NAALADL2: variants seen among roughly 807,000 people sequenced by gnomAD.
The protein encoded by NAALADL2 is N-acetylated alpha-linked acidic dipeptidase like 2.
In NAALADL2, 76 loss-of-function variants were observed where a neutral mutation model predicts 87.2. The observed-to-expected ratio is 0.87, with a 90% CI of 0.72 to 1.05. NAALADL2 has a LOEUF of 1.05. NAALADL2 is among the 50% of genes least tolerant of loss of function. The probability of loss-of-function intolerance (pLI) is 0.00; values close to 1 mark genes in which losing one functional copy is unlikely to be tolerated. For missense variants in NAALADL2, 1,089 were observed against 945.8 expected (o/e 1.15, Z -1.99); for synonymous variants, 354 against 331.0 (o/e 1.07, Z -0.75).
chr3:174,956,469 A>G (rs1007883525), intron 1 of NAALADL2, among the ~76,000 whole-genome samples: 5 of 152,082 alleles, frequency 3.3e-5, no homozygotes, highest in African/African-American at 4.8e-5. Context: ...TTTAGCCCCT[A>G]TGGGCCTCAC....
chr3:175,361,405 T>C lies in NAALADL2; in HGVS notation c.1090+37080T>C, dbSNP rs1034304851. On this transcript the variant is annotated intron_variant, in intron 5 of 13. Transcript: ENST00000454872. ...CCAGTAATGGGATTGGTGGGTCAAA[T>C]GGTATTTCTAGTTCTAGATCCTTGA... is the stretch of plus-strand genomic sequence containing the variant. 4.7e-5 allele frequency among the ~76,000 whole-genome samples: 7 copies of C among 148,178 alleles called. 1 individual carries two copies. Among genetic ancestry groups the C allele is most frequent in the South Asian group, 4.4e-4 (2 of 4,536 alleles).
chr3:175,556,659 AG>A (rs1715324011), intron 9 of NAALADL2, among the ~76,000 whole-genome samples: 1 of 152,216 alleles, frequency 6.6e-6, no homozygotes, highest in African/African-American at 2.4e-5. Context: ...ATCTCAGGAA[AG>A]CAGACTCGAC....
chr3:175,448,901 C>G (rs532182205), intron 6 of NAALADL2, among the ~76,000 whole-genome samples: 2 of 151,918 alleles, frequency 1.3e-5, no homozygotes, highest in Admixed American at 1.3e-4. Flanking sequence ...ATTTTTGTAG[C>G]CACAGGGTCT....
intron 1 of NAALADL2, among the ~76,000 whole-genome samples, chr3:174,866,064 A>G (rs1727105358): frequency 6.6e-6 from 1 of 151,940 alleles, no homozygotes; most frequent in Non-Finnish European, 1.5e-5. Flanking sequence ...CTAGCAGCCA[A>G]AAGAAAATAA....
intron 2 of NAALADL2, among the ~76,000 whole-genome samples, chr3:175,188,374 AT>A (rs552921416): frequency 2.5e-4 from 38 of 152,240 alleles, no homozygotes; most frequent in African/African-American, 9.1e-4. Context: ...CTGAGCTGGT[AT>A]GACACCCCAC....
Position 174,997,058 on chromosome 3 carries a change from A to ATT in NAALADL2, c.44-99722_44-99721dup, listed in dbSNP as rs200338062. Reference sequence around the variant, plus strand: ...TGTGTGTATGTGTATATATATATATATTTTTTTTTTTAATCCACTCGTTGG... The same window carrying ATT: ...TGTGTGTATGTGTATATATATATATATTTTTTTTTTTTTAATCCACTCGTTGG... On this transcript the variant is annotated intron_variant, in intron 1 of 13. Transcript: ENST00000454872. Among the ~76,000 whole-genome samples the ATT allele has an allele frequency of 7.3e-3, 914 of 125,920 alleles. 5 individuals are homozygous for ATT. Among genetic ancestry groups the ATT allele is most frequent in the African/African-American group, 0.027 (861 of 31,556 alleles). 82.6% of individuals were successfully genotyped at this position (125,920 alleles called of 152,430 possible). A position where few individuals can be genotyped will look rare whatever the true frequency, so the allele number is the denominator to read the frequency against.
At chr3:175,274,959 A>G (rs7648719) in intron 4 of NAALADL2, among the ~76,000 whole-genome samples, 11,855 of 152,292 alleles carry the variant, frequency 0.078, 1,507 homozygotes, top group African/African-American at 0.27. Flanking sequence ...AATACTACAA[A>G]GTAAACACTC....
intron 3 of NAALADL2, among the ~76,000 whole-genome samples, chr3:175,245,027 G>T (rs1347978358): frequency 2.6e-5 from 4 of 152,098 alleles, no homozygotes; most frequent in African/African-American, 2.4e-5. Context: ...GCCAGAAAAT[G>T]AAATAATTAT....
chr3:175,118,906 T>C (rs1725700359), intron 2 of NAALADL2, among the ~76,000 whole-genome samples: 1 of 151,746 alleles, frequency 6.6e-6, no homozygotes, highest in Non-Finnish European at 1.5e-5. Context: ...GTTAATATGG[T>C]CCATTTTTTC....
intron 3 of NAALADL2, among the ~76,000 whole-genome samples, chr3:174,821,171 T>A (rs576402617): frequency 6.6e-6 from 1 of 152,304 alleles, no homozygotes; most frequent in African/African-American, 2.4e-5. Flanking sequence ...CAGGATGGCT[T>A]AGTAAAATCA....
At chr3:175,487,743 G>A (rs1232918037) in intron 9 of NAALADL2, 2 of 283,592 alleles carry the variant, frequency 7.1e-6, no homozygotes, top group Non-Finnish European at 1.4e-5. Context: ...ACAACTTAAT[G>A]TAAAGATACA....
intron 9 of NAALADL2, among the ~76,000 whole-genome samples, chr3:175,516,330 T>C (rs1157728924): frequency 6.6e-6 from 1 of 152,194 alleles, no homozygotes; most frequent in African/African-American, 2.4e-5. Flanking sequence ...CTTGCTTACA[T>C]AGGCAAGGAG....
At chr3:174,952,542 C>A (rs1358431667) in intron 1 of NAALADL2, among the ~76,000 whole-genome samples, 1 of 152,048 alleles carries the variant, frequency 6.6e-6, no homozygotes, top group Non-Finnish European at 1.5e-5. Context: ...TTACTCTGAG[C>A]CACACACTAC....
chr3:175,298,274 G>T (rs958976537), intron 4 of NAALADL2, among the ~76,000 whole-genome samples: 1 of 152,084 alleles, frequency 6.6e-6, no homozygotes, highest in Non-Finnish European at 1.5e-5. Context: ...GAGGGATGCG[G>T]AAACTTGTTT....
chr3:174,892,278 A>G (rs551627218), intron 1 of NAALADL2, among the ~76,000 whole-genome samples: 92 of 152,324 alleles, frequency 6.0e-4, no homozygotes, highest in Middle Eastern at 6.8e-3. Flanking sequence ...CCTTTCAGAC[A>G]GAGAATTCAA....
At chr3:174,903,585 G>A (rs2108267329) in intron 1 of NAALADL2, among the ~76,000 whole-genome samples, 2 of 151,290 alleles carry the variant, frequency 1.3e-5, no homozygotes, top group East Asian at 3.9e-4. Context: ...AGTAGTATTT[G>A]TAAAAATTAA....
At chr3:175,385,203 A>G (rs887382611) in intron 5 of NAALADL2, among the ~76,000 whole-genome samples, 2 of 152,126 alleles carry the variant, frequency 1.3e-5, no homozygotes, top group Non-Finnish European at 2.9e-5. Context: ...TTCAAAGCAT[A>G]AGGACAAGAA....
chr3:175,721,609 C>A (rs372606593), intron 11 of NAALADL2, among the ~76,000 whole-genome samples: 1 of 152,008 alleles, frequency 6.6e-6, no homozygotes, highest in African/African-American at 2.4e-5. Flanking sequence ...TACAGCAATT[C>A]TGGATATACA....
intron 11 of NAALADL2, among the ~76,000 whole-genome samples, chr3:175,711,973 A>G (rs2150003523): frequency 6.6e-6 from 1 of 152,042 alleles, no homozygotes; most frequent in African/African-American, 2.4e-5. Context: ...CATTTGCAAA[A>G]GGTTTACTTC....
Sources: gnomAD v4.1 joint callset for allele counts (sites outside exome capture counted in the v4.1 genomes callset) on GRCh38, gnomAD v4.1.1 for gene constraint, MANE v1.5 for transcripts, NCBI Gene and HGNC (gene_info 2026-07-23, HGNC 2026-07-21) for gene names.